Variants in NMNAT1 observed in about 807,000 individuals in gnomAD.
NMNAT1 encodes nicotinamide nucleotide adenylyltransferase 1, also known as nicotinamide/nicotinic acid mononucleotide adenylyltransferase 1.
NMNAT1 carries 11 observed loss-of-function variants against 16.7 expected under a neutral mutation model. That is an observed-to-expected ratio of 0.66 (90% CI 0.41 to 1.09). NMNAT1 has a LOEUF of 1.09. Ranked by LOEUF, NMNAT1 falls within the 50% of genes least tolerant of loss-of-function variation. The probability of loss-of-function intolerance (pLI) is 0.00; values close to 1 mark genes in which losing one functional copy is unlikely to be tolerated. For missense variants in NMNAT1, 280 were observed against 332.3 expected (o/e 0.84, Z 1.22); for synonymous variants, 110 against 119.8 (o/e 0.92, Z 0.53).
intron 1 of NMNAT1, among the ~76,000 whole-genome samples, chr1:9,961,476 A>G (rs1007750743): frequency 6.6e-6 from 1 of 152,134 alleles, no homozygotes; most frequent in African/African-American, 2.4e-5. Flanking sequence ...TGTAGGCCTC[A>G]GGGTACTATG....
At chr1:9,954,208 G>C (rs1641193974) in intron 1 of NMNAT1, among the ~76,000 whole-genome samples, 2 of 151,812 alleles carry the variant, frequency 1.3e-5, no homozygotes. Flanking sequence ...TGAGAATAGA[G>C]ACCAACTCTG....
At chr1:9,955,231 C>CATCTCTA (rs1641226363) in intron 1 of NMNAT1, among the ~76,000 whole-genome samples, 1 of 152,050 alleles carries the variant, frequency 6.6e-6, no homozygotes, top group Non-Finnish European at 1.5e-5. Flanking sequence ...GGTGAAACCT[C>CATCTCTA]ATCTCTACTT....
chr1:9,955,276 C>T (rs1400935667), intron 1 of NMNAT1, among the ~76,000 whole-genome samples: 1 of 150,914 alleles, frequency 6.6e-6, no homozygotes, highest in Non-Finnish European at 1.5e-5. Context: ...TGGTGGTATG[C>T]ACCTGTAATC....
chr1:9,970,544 G>A (rs544462785), intron 1 of NMNAT1, among the ~76,000 whole-genome samples: 2 of 151,944 alleles, frequency 1.3e-5, no homozygotes, highest in South Asian at 4.2e-4. Context: ...AAAAAATTAG[G>A]CAGGTGTGGT....
At chr1:9,987,436 C>T (rs947265533), downstream of NMNAT1, among the ~76,000 whole-genome samples, 10 of 151,854 alleles carry the variant, frequency 6.6e-5, no homozygotes, top group Admixed American at 6.6e-4. Context: ...GTCAGGAGAT[C>T]AAGACCATCC....
intron 1 of NMNAT1, among the ~76,000 whole-genome samples, chr1:9,947,920 A>C (rs760883098): frequency 2.6e-5 from 4 of 152,164 alleles, no homozygotes; most frequent in Non-Finnish European, 5.9e-5. Flanking sequence ...AAAATATGTC[A>C]GATCATGTCA....
At chr1:9,943,681 G>A (rs1419201274) in intron 1 of NMNAT1, among the ~76,000 whole-genome samples, 166 bp downstream of exon 1, 3 of 152,168 alleles carry the variant, frequency 2.0e-5, no homozygotes, top group Non-Finnish European at 4.4e-5. Flanking sequence ...TTTTTCAGTG[G>A]AACGGAAAAC....
At chr1:9,947,929 C>T (rs1392911116) in intron 1 of NMNAT1, among the ~76,000 whole-genome samples, 1 of 152,198 alleles carries the variant, frequency 6.6e-6, no homozygotes, top group African/African-American at 2.4e-5. Context: ...CAGATCATGT[C>T]ACTCCTCTGC....
intron 1 of NMNAT1, among the ~76,000 whole-genome samples, chr1:9,969,935 G>A (rs1189200798): frequency 6.6e-6 from 1 of 152,144 alleles, no homozygotes; most frequent in Admixed American, 6.6e-5. Flanking sequence ...GGACAGCACT[G>A]TGAAATTTCA....
At chr1:9,964,101 A>C (rs1435158598) in intron 1 of NMNAT1, among the ~76,000 whole-genome samples, 1 of 151,876 alleles carries the variant, frequency 6.6e-6, no homozygotes, top group African/African-American at 2.4e-5. Flanking sequence ...CATGTTGGCC[A>C]GGCTGGTCTC....
chr1:9,990,863 T>C, the NMNAT1 span, among the ~76,000 whole-genome samples: 1 of 152,170 alleles, frequency 6.6e-6, no homozygotes, highest in Non-Finnish European at 1.5e-5. Flanking sequence ...GGGCTCAAAT[T>C]TGACCAAATA....
chr1:9,967,198 T>C (rs1369912649), intron 1 of NMNAT1, among the ~76,000 whole-genome samples: 1 of 152,072 alleles, frequency 6.6e-6, no homozygotes, highest in African/African-American at 2.4e-5. Flanking sequence ...CACTCCAGCC[T>C]GGGTGACAGA....
intron 3 of NMNAT1, among the ~76,000 whole-genome samples, chr1:9,978,281 G>C (rs1458851165): frequency 6.6e-6 from 1 of 152,082 alleles, no homozygotes; most frequent in African/African-American, 2.4e-5. Context: ...CCTTGAACCC[G>C]GGAGGTGGAG....
chr1:9,942,942 A>C, upstream of NMNAT1: 1 of 354,466 alleles, frequency 2.8e-6, no homozygotes, highest in Non-Finnish European at 5.6e-6. Context: ...GTTTCTTCCT[A>C]GCGAGGCCGA....
chr1:9,972,355 C>A, intron 2 of NMNAT1, 167 bp downstream of exon 2: 1 of 516,088 alleles, frequency 1.9e-6, no homozygotes, highest in Non-Finnish European at 3.5e-6. Flanking sequence ...CTAAAAAATA[C>A]GAAAATTCAC....
At chr1:9,991,279 G>A in the NMNAT1 span, among the ~76,000 whole-genome samples, 4 of 151,606 alleles carry the variant, frequency 2.6e-5, no homozygotes, top group Non-Finnish European at 5.9e-5. Context: ...TCTGCCTCCC[G>A]GGTTCAAGCA....
At chr1:9,948,482 G>A (rs1234588480) in intron 1 of NMNAT1, among the ~76,000 whole-genome samples, 1 of 152,052 alleles carries the variant, frequency 6.6e-6, no homozygotes, top group Non-Finnish European at 1.5e-5. Flanking sequence ...GGTAAGGGCT[G>A]AGGTGGGAGG....
intron 1 of NMNAT1, among the ~76,000 whole-genome samples, chr1:9,948,985 C>T (rs926074170): frequency 6.6e-6 from 1 of 151,268 alleles, no homozygotes; most frequent in Non-Finnish European, 1.5e-5. Flanking sequence ...AAAGACAAAA[C>T]ACGGCTGGCC....
downstream of NMNAT1, chr1:9,985,576 A>T (rs1303149636): frequency 6.6e-6 from 1 of 152,250 alleles, no homozygotes; most frequent in Admixed American, 6.6e-5. Flanking sequence ...GCCCAGTGTT[A>T]GCAATTCCTT....
Sources: allele counts gnomAD v4.1 joint callset (sites outside exome capture counted in the v4.1 genomes callset), GRCh38; gene constraint gnomAD v4.1.1; transcripts MANE v1.5; gene names NCBI Gene and HGNC (gene_info 2026-07-23, HGNC 2026-07-21).